CTNNA3: variants seen among roughly 807,000 people sequenced by gnomAD.
CTNNA3 encodes the protein catenin alpha 3.
A neutral mutation model predicts 95.7 loss-of-function variants in CTNNA3; 76 were observed. The ratio of observed to expected loss-of-function variants is 0.79; its 90% CI spans 0.66 to 0.96. The LOEUF is 0.96. Among genes scored for constraint, CTNNA3 ranks in the 40% least tolerant of loss-of-function variants. CTNNA3 has a pLI of 0.00. For synonymous variants in CTNNA3, 431 were observed against 374.4 expected, an observed-to-expected ratio of 1.15 and a Z score of -1.74; for missense variants, 1,191 against 1,089.8, an observed-to-expected ratio of 1.09 and a Z score of -1.31.
At chr10:66,336,466 C>A (rs936021292) in intron 12 of CTNNA3, among the ~76,000 whole-genome samples, 1 of 152,036 alleles carries the variant, frequency 6.6e-6, no homozygotes, top group Admixed American at 6.6e-5. Context: ...GGAATCTTTG[C>A]TTATGTAAAA....
At chr10:67,126,501 A>C (rs1057500040) in intron 7 of CTNNA3, among the ~76,000 whole-genome samples, 1 of 152,360 alleles carries the variant, frequency 6.6e-6, no homozygotes, top group African/African-American at 2.4e-5. Flanking sequence ...CAGCGAGCCA[A>C]GATTGTGCCA....
rs1223785180 is a variant in CTNNA3, at chr10:66,006,944, G to A, written c.2160-18147C>T. 2.6e-5 allele frequency among the ~76,000 whole-genome samples: 4 copies of A among 152,160 alleles called. No individual in the cohort carries two copies. In the South Asian group the frequency reaches 6.2e-4, roughly 24 times the overall value. ...CAGTACAGAGTTAGTTCAAGGGTCT[G>A]CCTTGCCACCAGTCTCAGGCCTTGT... On this transcript the variant is annotated intron_variant, in intron 15 of 17. Transcript: ENST00000433211.
At chr10:66,218,489 C>T (rs1307173602) in intron 13 of CTNNA3, among the ~76,000 whole-genome samples, 1 of 152,150 alleles carries the variant, frequency 6.6e-6, no homozygotes, top group Non-Finnish European at 1.5e-5. Flanking sequence ...TTCTAAAGAA[C>T]TGAAGCCTTC....
chr10:66,695,988 C>T (rs1461835800), intron 9 of CTNNA3, among the ~76,000 whole-genome samples: 2 of 151,534 alleles, frequency 1.3e-5, no homozygotes, highest in African/African-American at 4.8e-5. Flanking sequence ...AGAACAGCAT[C>T]TTTGCCAGAA....
chr10:66,172,015 C>A (rs1284733294), intron 13 of CTNNA3, among the ~76,000 whole-genome samples: 2 of 152,112 alleles, frequency 1.3e-5, no homozygotes, highest in African/African-American at 2.4e-5. Flanking sequence ...TGGCAAAGAG[C>A]AAGTATGCTC....
chr10:65,936,917 C>A (rs1053958601), intron 17 of CTNNA3, among the ~76,000 whole-genome samples: 24 of 151,840 alleles, frequency 1.6e-4, no homozygotes, highest in African/African-American at 5.3e-4. Flanking sequence ...ATATTAAAAA[C>A]AGGCACAATA....
intron 9 of CTNNA3, among the ~76,000 whole-genome samples, chr10:66,646,280 C>T (rs77828432): frequency 7.3e-4 from 111 of 152,186 alleles, no homozygotes; most frequent in African/African-American, 2.4e-3. Context: ...TACATGCGGA[C>T]GTGTGGATAG....
chr10:67,597,429 G>T (rs926052903), intron 3 of CTNNA3, among the ~76,000 whole-genome samples: 1 of 152,106 alleles, frequency 6.6e-6, no homozygotes, highest in Non-Finnish European at 1.5e-5. Context: ...CCTTTGGATC[G>T]AGCTTTTTGC....
intron 5 of CTNNA3, among the ~76,000 whole-genome samples, chr10:67,392,191 A>T (rs1400161404): frequency 6.6e-6 from 1 of 152,328 alleles, no homozygotes; most frequent in East Asian, 1.9e-4. Context: ...TCTACAGTGA[A>T]CTCAAATAAA....
intron 15 of CTNNA3, among the ~76,000 whole-genome samples, chr10:66,042,666 G>C (rs753320805): frequency 6.6e-6 from 1 of 151,900 alleles, no homozygotes; most frequent in Non-Finnish European, 1.5e-5. Flanking sequence ...TTGGGAGGCC[G>C]AGGCGGGTGG....
intron 15 of CTNNA3, among the ~76,000 whole-genome samples, chr10:66,000,253 A>T (rs1166724053): frequency 1.3e-5 from 2 of 152,132 alleles, no homozygotes; most frequent in Non-Finnish European, 2.9e-5. Context: ...ACACTGCCTC[A>T]TCCTTGACTC....
intron 9 of CTNNA3, among the ~76,000 whole-genome samples, chr10:66,762,437 A>T (rs2132768112): frequency 6.6e-6 from 1 of 152,180 alleles, no homozygotes; most frequent in East Asian, 2.0e-4. Flanking sequence ...CATAACTAAG[A>T]TAAAATTAGC....
At chr10:67,113,566 G>T (rs890214216) in intron 7 of CTNNA3, among the ~76,000 whole-genome samples, 4 of 152,152 alleles carry the variant, frequency 2.6e-5, no homozygotes, top group African/African-American at 9.7e-5. Flanking sequence ...AAAAGAGTCA[G>T]CAAGCGTTAG....
At chr10:67,644,816 T>A (rs1326966256) in intron 2 of CTNNA3, among the ~76,000 whole-genome samples, 1 of 152,128 alleles carries the variant, frequency 6.6e-6, no homozygotes, top group Non-Finnish European at 1.5e-5. Context: ...AAATCATTTT[T>A]ATACCTGAGA....
At chr10:66,399,027 G>GAA (rs2093000524) in intron 11 of CTNNA3, among the ~76,000 whole-genome samples, 1 of 151,932 alleles carries the variant, frequency 6.6e-6, no homozygotes, top group Non-Finnish European at 1.5e-5. Context: ...CTGTTGAACT[G>GAA]AAAATAGTAA....
chr10:67,662,068 A>G (rs1467745687), intron 1 of CTNNA3, among the ~76,000 whole-genome samples: 3 of 152,176 alleles, frequency 2.0e-5, no homozygotes, highest in Non-Finnish European at 2.9e-5. Context: ...TTATGTCCAT[A>G]TAGATACCTG....
At chr10:66,015,094 T>G (rs928759115) in intron 15 of CTNNA3, among the ~76,000 whole-genome samples, 1 of 138,980 alleles carries the variant, frequency 7.2e-6, no homozygotes, top group Non-Finnish European at 1.6e-5. Flanking sequence ...AGAGCGAGAC[T>G]CTGTCTCAAA....
Position 66,435,602 on chromosome 10 carries a change from T to C in CTNNA3, c.1532-56250A>G, listed in dbSNP as rs183082522. On this transcript the variant is annotated intron_variant, in intron 11 of 17. Transcript: ENST00000433211. The stretch of plus-strand genomic sequence containing the variant: ...TTATTAGTCTGGCTAGTGGTCTATC[T>C]GTTTTGTTGATGTTTTCAAAAAACC... 1.6e-4 allele frequency among the ~76,000 whole-genome samples: 25 copies of C among 152,258 alleles called. No individual in the cohort carries two copies. The East Asian group carries it at 3.5e-3, about 21-fold the overall frequency.
At chr10:66,418,873 C>A (rs893370260) in intron 11 of CTNNA3, among the ~76,000 whole-genome samples, 1 of 151,956 alleles carries the variant, frequency 6.6e-6, no homozygotes, top group African/African-American at 2.4e-5. Flanking sequence ...AATAAACATG[C>A]CTCAAAAAAT....
Sources: allele counts gnomAD v4.1 joint callset (sites outside exome capture counted in the v4.1 genomes callset), GRCh38; gene constraint gnomAD v4.1.1; transcripts MANE v1.5; gene names NCBI Gene and HGNC (gene_info 2026-07-23, HGNC 2026-07-21).